The following ZNF724 variants were observed in gnomAD, a reference collection of about 807,000 sequenced individuals.
ZNF724 encodes the protein zinc finger protein 724.
ZNF724 carries 14 observed loss-of-function variants against 29.3 expected under a neutral mutation model. That is an observed-to-expected ratio of 0.48 (90% CI 0.32 to 0.75). The LOEUF is 0.75. Ranked by LOEUF, ZNF724 falls within the 30% of genes least tolerant of loss-of-function variation. ZNF724 has a pLI of 0.04. For synonymous variants in ZNF724, 180 were observed against 193.6 expected (o/e 0.93, Z 0.58); for missense variants, 557 against 571.2 (o/e 0.98, Z 0.25).
chr19:23,231,780 C>G (rs922450058), intron 2 of ZNF724, among the ~76,000 whole-genome samples: 1 of 151,926 alleles, frequency 6.6e-6, no homozygotes, highest in Non-Finnish European at 1.5e-5. Flanking sequence ...GCCACCCAGG[C>G]TGGAGTACAG....
At chr19:23,241,693 T>C (rs570456924) in intron 1 of ZNF724, among the ~76,000 whole-genome samples, 1 of 152,330 alleles carries the variant, frequency 6.6e-6, no homozygotes, top group Non-Finnish European at 1.5e-5. Flanking sequence ...GTAACATTGT[T>C]CATGCATAAA....
intron 1 of ZNF724, among the ~76,000 whole-genome samples, chr19:23,245,656 C>A (rs890457825): frequency 6.6e-6 from 1 of 151,700 alleles, no homozygotes; most frequent in Admixed American, 6.6e-5. Context: ...GATTTTTTCA[C>A]CCTTCATTTG....
intron 3 of ZNF724, among the ~76,000 whole-genome samples, chr19:23,226,038 T>C (rs966684897): frequency 3.5e-5 from 5 of 143,326 alleles, no homozygotes; most frequent in South Asian, 4.4e-4. Flanking sequence ...AAAAATTTTC[T>C]AGAGAGAGGG....
intron 1 of ZNF724, among the ~76,000 whole-genome samples, chr19:23,242,008 T>C (rs1217549485): frequency 6.6e-6 from 1 of 152,170 alleles, no homozygotes; most frequent in East Asian, 1.9e-4. Context: ...AAATGCTCTA[T>C]AAACTGACAA....
chr19:23,237,188 A>G (rs979161112), intron 1 of ZNF724, among the ~76,000 whole-genome samples: 3 of 152,098 alleles, frequency 2.0e-5, no homozygotes, highest in Non-Finnish European at 4.4e-5. Flanking sequence ...TCAGAATCTG[A>G]CTTTGTTTAT....
chr19:23,244,707 G>A (rs562989833), intron 1 of ZNF724, among the ~76,000 whole-genome samples: 1 of 152,244 alleles, frequency 6.6e-6, no homozygotes, highest in East Asian at 1.9e-4. Flanking sequence ...CCCAGAGTCA[G>A]CACAGATGCT....
Position 23,250,140 on chromosome 19 carries a change from G to A in ZNF724, c.3+100C>T, listed in dbSNP as rs1291738595. On this transcript the variant is annotated intron_variant, in intron 1 of 3. Coordinates refer to ENST00000418100, the MANE Select transcript of ZNF724 (RefSeq NM_001355404.2). ...AAGGAGAACTCAGGGCGCAGTTTGT[G>A]GAGATGACTGCGGGGAGGCCCGAGT... 1.6e-5 allele frequency: 9 copies of A among 553,222 alleles called. No individual in the cohort carries two copies. In the East Asian group the frequency reaches 3.9e-4, roughly 24 times the overall value. 34.3% of individuals were successfully genotyped at this position (553,222 alleles called of 1,614,324 possible).
At position 23,222,978 on chromosome 19, in the gene ZNF724, T is replaced by C; in HGVS notation, c.1267A>G (p.Lys423Glu). 1.4e-6 allele frequency: 2 copies of C among 1,382,418 alleles called. No homozygotes were observed. Among genetic ancestry groups the C allele is most frequent in the Non-Finnish European group, 2.1e-6 (2 of 970,270 alleles). The allele number at this position is 1,382,418 out of a possible 1,614,324, so 85.6% of individuals were successfully genotyped here. A position where few individuals can be genotyped will look rare whatever the true frequency, so the allele number is the denominator to read the frequency against. The change falls in exon 4 of 4, where the codon AAA becomes GAA. Residue 423 changes from lysine (K) to glutamate (E), a missense_variant. This residue lies in a region of ZNF724 where 362 missense variants were observed against 295.5 expected (regional missense o/e 1.22). Transcript: ENST00000418100. ...KRIHTGEKPY[K>E]CEECGKAFNQ... Reference sequence around the variant, plus strand: ...AAGGCTTTGCCACATTCTTCACATTTGTAGGGTTTCTCTCCGGTATGAATT... The same window carrying C: ...AAGGCTTTGCCACATTCTTCACATTCGTAGGGTTTCTCTCCGGTATGAATT...
At chr19:23,225,548 A>G (rs1045428937) in intron 3 of ZNF724, among the ~76,000 whole-genome samples, 3 of 151,828 alleles carry the variant, frequency 2.0e-5, no homozygotes, top group South Asian at 2.1e-4. Flanking sequence ...GGAGGTTCCA[A>G]TGAGCCGAGA....
At chr19:23,239,400 A>T (rs1406862778) in intron 1 of ZNF724, among the ~76,000 whole-genome samples, 1 of 152,228 alleles carries the variant, frequency 6.6e-6, no homozygotes, top group Non-Finnish European at 1.5e-5. Context: ...TAACGATATA[A>T]TTCAATACAA....
Position 23,222,695 on chromosome 19 carries a change from T to C in ZNF724, c.1550A>G (p.Gln517Arg), listed in dbSNP as rs1971740117. 1.4e-6 allele frequency: 2 copies of C among 1,399,832 alleles called. No individual in the cohort carries two copies. The highest frequency in any genetic ancestry group is 2.0e-6 in the Non-Finnish European group (2 of 986,652). 86.7% of individuals were successfully genotyped at this position (1,399,832 alleles called of 1,614,324 possible). Reference protein sequence around the residue: ...KCKECGKAFNQSSTLARHKII... With the variant: ...KCKECGKAFNRSSTLARHKII... ...CTTATGTCTAGCAAGTGTCGAGGAT[T>C]GGTTAAAAGCTTTGCCACATTCTTT... Residue 517 changes from glutamine to arginine, a missense_variant, in exon 4 of 4, where the codon CAA becomes CGA. By Grantham distance (43) the Gln-to-Arg change is conservative (BLOSUM62 1). Around this residue, in one of 3 missense-constraint regions of ZNF724, gnomAD observed 170 missense variants for 220.7 expected, o/e 0.77. Coordinates refer to ENST00000418100, the MANE Select transcript of ZNF724 (RefSeq NM_001355404.2).
intron 1 of ZNF724, among the ~76,000 whole-genome samples, chr19:23,235,318 AAT>A (rs1368039156): frequency 6.6e-6 from 1 of 152,124 alleles, no homozygotes; most frequent in East Asian, 1.9e-4. Flanking sequence ...TAGAACACTA[AAT>A]ATAGACAGAT....
chr19:23,247,639 C>T (rs1489712274), intron 1 of ZNF724, among the ~76,000 whole-genome samples: 1 of 152,176 alleles, frequency 6.6e-6, no homozygotes, highest in South Asian at 2.1e-4. Context: ...AGTTCTTGTA[C>T]TAGCTCACTG....
intron 2 of ZNF724, among the ~76,000 whole-genome samples, 154 bp from the exon 3 acceptor site, chr19:23,231,515 G>C (rs970672241): frequency 6.6e-6 from 1 of 152,004 alleles, no homozygotes; most frequent in South Asian, 2.1e-4. Context: ...TAAATTTGTA[G>C]GTCCTTAATT....
In ZNF724 at chr19:23,223,883, T is replaced by C. The variant is rs770129298; in HGVS notation, c.362A>G (p.Asp121Gly). The change falls in exon 4 of 4, where the codon GAT becomes GGT. Residue 121 changes from aspartate (D) to glycine (G), a missense_variant. Transcript: ENST00000418100. Reference sequence around the variant, plus strand: ...ACTTCCTTTGTGCACCTTGTACTCATCCACACTTTTATAGCCTTTTTTTAA... The same window carrying C: ...ACTTCCTTTGTGCACCTTGTACTCACCCACACTTTTATAGCCTTTTTTTAA... ...LQLKKGYKSV[D>G]EYKVHKGSYN... 26 of 778,396 alleles carry C rather than the reference T, an allele frequency of 3.3e-5. No individual in the cohort carries two copies. Among genetic ancestry groups the C allele is most frequent in the Non-Finnish European group, 5.5e-5 (23 of 417,222 alleles). 48.2% of individuals were successfully genotyped at this position (778,396 alleles called of 1,614,324 possible).
intron 1 of ZNF724, among the ~76,000 whole-genome samples, chr19:23,234,655 T>C (rs1018379849): frequency 6.6e-6 from 1 of 152,106 alleles, no homozygotes; most frequent in Non-Finnish European, 1.5e-5. Flanking sequence ...TTTTACCATG[T>C]TGGACAGGCT....
intron 1 of ZNF724, chr19:23,236,411 A>G (rs911341074): frequency 6.6e-6 from 1 of 152,338 alleles, no homozygotes; most frequent in African/African-American, 2.4e-5. Context: ...CATGAAAAAA[A>G]TACTGCTGGA....
At chr19:23,242,183 T>G (rs952719853) in intron 1 of ZNF724, among the ~76,000 whole-genome samples, 1 of 152,136 alleles carries the variant, frequency 6.6e-6, no homozygotes, top group African/African-American at 2.4e-5. Context: ...GTGAAAGATC[T>G]CTACGACAAC....
At chr19:23,232,824 C>CT (rs1971960649) in intron 1 of ZNF724, among the ~76,000 whole-genome samples, 1 of 151,430 alleles carries the variant, frequency 6.6e-6, no homozygotes, top group African/African-American at 2.4e-5. Flanking sequence ...GTTTTTCCCC[C>CT]CAGTTTTTAT....
Sources: allele counts gnomAD v4.1 joint callset (sites outside exome capture counted in the v4.1 genomes callset), GRCh38; gene constraint gnomAD v4.1.1; regional missense constraint gnomAD v4.1.1; transcripts MANE v1.5; gene names NCBI Gene and HGNC (gene_info 2026-07-23, HGNC 2026-07-21).